The following LILRA1 variants were observed in gnomAD, a reference collection of about 807,000 sequenced individuals.
The protein encoded by LILRA1 is leukocyte immunoglobulin-like receptor subfamily A member 1.
LILRA1 carries 51 observed loss-of-function variants against 51.6 expected under a neutral mutation model. The observed-to-expected ratio is 0.99, with a 90% CI of 0.79 to 1.25. LILRA1 has a LOEUF of 1.25. LILRA1 is among the 50% of genes most tolerant of loss of function. The pLI, the probability that LILRA1 is intolerant of heterozygous loss-of-function variation, is 0.00. For missense variants in LILRA1, 660 were observed against 611.7 expected, an observed-to-expected ratio of 1.08 and a Z score of -0.83; for synonymous variants, 305 against 248.4, an observed-to-expected ratio of 1.23 and a Z score of -2.14.
chr19:54,599,284 C>T lies in LILRA1; in HGVS notation c.1310C>T (p.Ala437Val). ...CCACAAAACAAGTCCGATTCCAAGG[C>T]TGGTGAGTGAGGAGATGCTTGCCGT... Reference protein sequence around the residue: ...SPPQNKSDSKAGAANTLSPSQ... With the variant: ...SPPQNKSDSKVGAANTLSPSQ... Residue 437 changes from alanine to valine, a missense_variant and splice_region_variant, in exon 8 of 10, where the codon GCT becomes GTT. Ala to Val is a moderately conservative substitution (Grantham distance 64, BLOSUM62 0). Coordinates refer to ENST00000251372, the MANE Select transcript of LILRA1 (RefSeq NM_006863.4). 6.4e-7 allele frequency: 1 copy of T among 1,568,464 alleles called. No homozygotes were observed. The highest frequency in any genetic ancestry group is 8.7e-7 in the Non-Finnish European group (1 of 1,151,934).
rs2063061585 is a variant in LILRA1 at position 54,596,485 on chromosome 19, G to T, written c.1255G>T (p.Val419Phe). Residue 419 changes from valine to phenylalanine, a missense_variant, in exon 7 of 10, where the codon GTC becomes TTC. Transcript: ENST00000251372. ...CCCCAGTGACTCCCTGGAGCTCATG[G>T]TCTCAGGTGAGGGCCCTGACCCTGT... is the stretch of plus-strand genomic sequence containing the variant. ...SHPSDSLELM[V>F]SGAAETLSPP... The T allele has an allele frequency of 1.2e-6, 2 of 1,614,010 alleles. No homozygotes were observed. Among genetic ancestry groups the T allele is most frequent in the Non-Finnish European group, 1.7e-6 (2 of 1,180,026 alleles).
intron 3 of LILRA1, 55 bp downstream of exon 3, chr19:54,594,531 C>T: frequency 1.2e-6 from 2 of 1,614,004 alleles, no homozygotes; most frequent in Non-Finnish European, 1.7e-6. Context: ...GACAAGGGGC[C>T]ACCCCCGTGC....
intron 2 of LILRA1, 38 bp from the exon 3 acceptor site, chr19:54,594,403 C>T: frequency 6.2e-7 from 1 of 1,614,226 alleles, no homozygotes; most frequent in East Asian, 2.2e-5. Context: ...CCTGCCCAGG[C>T]TTCAGGGGCA....
rs777662086 is a variant in LILRA1 at position 54,600,761 on chromosome 19, C to G, written c.1414C>G (p.Leu472Val). Residue 472 changes from leucine to valine, a missense_variant, in exon 10 of 10, where the codon CTG becomes GTG. Transcript: ENST00000251372. ...CCGCATGGGCATAGCTGGCTTGGTC[C>G]TGGTGGTCCTCGGGATTCTGCTATT... ...LIRMGIAGLV[L>V]VVLGILLFEA... 12 of 1,613,994 alleles carry G rather than the reference C, an allele frequency of 7.4e-6. No homozygotes were observed. The Admixed American group carries it at 2.0e-4, about 27-fold the overall frequency.
rs1176656501 is a variant in LILRA1, at chr19:54,594,723, T to A, written c.129T>A (p.Ser43Arg). 6.2e-7 allele frequency: 1 copy of A among 1,613,640 alleles called. No individual in the cohort carries two copies. The highest frequency in any genetic ancestry group is 8.5e-7 in the Non-Finnish European group (1 of 1,179,868). ...AEPGSVITQG[S>R]PVTLWCQGIL... is the part of the protein sequence containing the mutation. ...CAGGCTCTGTGATCACCCAGGGGAG[T>A]CCCGTGACCCTCTGGTGTCAGGGGA... is the stretch of plus-strand genomic sequence containing the variant. The change falls in exon 4 of 10, where the codon AGT (serine) becomes AGA (arginine). Residue 43 changes from serine to arginine, a missense_variant. Ser to Arg is a moderately radical substitution (Grantham distance 110). Transcript: ENST00000251372.
Position 54,594,390 on chromosome 19 carries a change from G to A in LILRA1, c.35-51G>A, listed in dbSNP as rs780180580. On this transcript the variant is annotated intron_variant, in intron 2 of 9. Transcript: ENST00000251372. The stretch of plus-strand genomic sequence containing the variant: ...GCTCACAAAGATCCCAGGGAGGGGA[G>A]GACCTGCCCAGGCTTCAGGGGCAAA... 10 of 1,614,222 alleles carry A rather than the reference G, an allele frequency of 6.2e-6. No homozygotes were observed. In the East Asian group the frequency reaches 1.1e-4, roughly 18 times the overall value.
rs758188672 is a variant in LILRA1 at position 54,594,265 on chromosome 19, C to T, written c.21C>T (p.Val7=). The change falls in exon 2 of 10, where the codon GTC becomes GTT. Residue 7 remains valine, a synonymous_variant. Transcript: ENST00000251372. Reference sequence around the variant, plus strand: ...ACGCTATGACCCCCATCGTCACAGTCCTGATCTGTCTCAGTGAGATTTGAA... The same window carrying T: ...ACGCTATGACCCCCATCGTCACAGTTCTGATCTGTCTCAGTGAGATTTGAA... The part of the protein sequence containing the change: MTPIVT[V]LICLRLSLGP... 11 of 1,612,342 alleles carry T rather than the reference C, an allele frequency of 6.8e-6. No homozygotes were observed. Among genetic ancestry groups the T allele is most frequent in the Middle Eastern group, 1.7e-4 (1 of 6,044 alleles).
chr19:54,596,518 G>A (rs368634430), intron 7 of LILRA1, 27 bp downstream of exon 7: 386 of 1,613,598 alleles, frequency 2.4e-4, no homozygotes, highest in Non-Finnish European at 3.1e-4. Flanking sequence ...TGTCCTCTCC[G>A]AGCTCAAAGG....
In LILRA1 at chr19:54,596,283, G is replaced by C. The variant is rs139190966; in HGVS notation, c.1053G>C (p.Pro351=). Reference sequence around the variant, plus strand: ...CCCTGCTGTGTCAGTCATGGGGGCCGTTCCACACTTTCCTTCTGACCAAGG... The same window carrying C: ...CCCTGCTGTGTCAGTCATGGGGGCCCTTCCACACTTTCCTTCTGACCAAGG... The part of the protein sequence containing the change: ...NVTLLCQSWG[P]FHTFLLTKAG... The change falls in exon 7 of 10, where the codon CCG becomes CCC. Residue 351 remains proline, a synonymous_variant. Transcript: ENST00000251372. The C allele has an allele frequency of 1.2e-6, 2 of 1,613,958 alleles. No individual in the cohort carries two copies. The highest frequency in any genetic ancestry group is 4.5e-5 in the East Asian group (2 of 44,884).
intron 8 of LILRA1, chr19:54,599,501 G>A: frequency 8.2e-7 from 1 of 1,214,788 alleles, no homozygotes; most frequent in South Asian, 1.5e-5. Flanking sequence ...ACTGCTTTGA[G>A]TATATTCATT....
intron 7 of LILRA1, among the ~76,000 whole-genome samples, chr19:54,597,485 G>C (rs2063083657): frequency 1.3e-5 from 2 of 152,084 alleles, no homozygotes. Context: ...TCTACTGAAA[G>C]CAACACGTGG....
intron 6 of LILRA1, 95 bp from the exon 7 acceptor site, chr19:54,596,094 C>G (rs1378022531): frequency 3.7e-5 from 56 of 1,528,468 alleles, no homozygotes; most frequent in Non-Finnish European, 4.8e-5. Flanking sequence ...TCAGAGAAAA[C>G]AGAGATAGAG....
At position 54,593,632 on chromosome 19, in the gene LILRA1, G is replaced by C. The variant is rs186664979; in HGVS notation, c.-198G>C. ...TCAACTTTTCTTCCCCTATTTCCCT[G>C]CATTTCTCCTCTGTGCTCACTGCCA... is the stretch of plus-strand genomic sequence containing the variant. On this transcript the variant is annotated 5_prime_UTR_variant, in exon 1 of 10. Coordinates refer to ENST00000251372, the MANE Select transcript of LILRA1 (RefSeq NM_006863.4). 524 of 393,640 alleles carry C rather than the reference G, an allele frequency of 1.3e-3. 7 individuals carry two copies. Among genetic ancestry groups the C allele is most frequent in the African/African-American group, 0.01 (488 of 48,160 alleles). The allele number at this position is 393,640 out of a possible 1,614,324, so 24.4% of individuals were successfully genotyped here.
Position 54,600,840 on chromosome 19 carries a change from C to T in LILRA1, c.*23C>T. The T allele has an allele frequency of 1.9e-6, 3 of 1,612,180 alleles. No homozygotes were observed. Among genetic ancestry groups the T allele is most frequent in the South Asian group, 1.1e-5 (1 of 91,032 alleles). On this transcript the variant is annotated 3_prime_UTR_variant, in exon 10 of 10. Coordinates refer to ENST00000251372, the MANE Select transcript of LILRA1 (RefSeq NM_006863.4). ...TGAGATGCAGCCGGGAGGTGAACAGCAGAGAGAAGAATGTACCCTTCAGAG... is the reference window on the plus strand; with the variant it reads ...TGAGATGCAGCCGGGAGGTGAACAGTAGAGAGAAGAATGTACCCTTCAGAG...
chr19:54,594,145 T>A lies in LILRA1; in HGVS notation c.-48-52T>A, dbSNP rs887578134. On this transcript the variant is annotated intron_variant, in intron 1 of 9. Transcript: ENST00000251372. ...GGACCCAGCCTCCGAGTGTCCACAC[T>A]GGGTGGGAAGGAGGGGAGGCTATTT... The A allele has an allele frequency of 1.2e-5, 13 of 1,083,598 alleles. 1 individual carries two copies. Among genetic ancestry groups the A allele is most frequent in the East Asian group, 6.9e-5 (3 of 43,232 alleles). 67.1% of individuals were successfully genotyped at this position (1,083,598 alleles called of 1,614,324 possible).
In LILRA1 at chr19:54,596,278, G is replaced by C. The variant is rs375355753; in HGVS notation, c.1048G>C (p.Gly350Arg). Residue 350 changes from glycine (G) to arginine (R), a missense_variant, in exon 7 of 10, where the codon GGG becomes CGG. Gly to Arg is a moderately radical substitution (Grantham distance 125). Transcript: ENST00000251372. The part of the protein sequence containing the change: ...ENVTLLCQSW[G>R]PFHTFLLTKA... ...CGTGACCCTGCTGTGTCAGTCATGGGGGCCGTTCCACACTTTCCTTCTGAC... is the reference window on the plus strand; with the variant it reads ...CGTGACCCTGCTGTGTCAGTCATGGCGGCCGTTCCACACTTTCCTTCTGAC... 12 of 1,613,952 alleles carry C rather than the reference G, an allele frequency of 7.4e-6. No homozygotes were observed. Among genetic ancestry groups the C allele is most frequent in the East Asian group, 6.7e-5 (3 of 44,882 alleles).
chr19:54,596,135 G>A (rs1315852887), intron 6 of LILRA1, 54 bp from the exon 7 acceptor site: 1 of 1,578,740 alleles, frequency 6.3e-7, no homozygotes, highest in Non-Finnish European at 8.6e-7. Context: ...GCCTGGGGAG[G>A]CGTCAGCTCA....
Position 54,600,747 on chromosome 19 carries a change from T to A in LILRA1, c.1400T>A (p.Ile467Lys). Reference protein sequence around the residue: ...YTVENLIRMGIAGLVLVVLGI... With the variant: ...YTVENLIRMGKAGLVLVVLGI... ...GTGGAGAATCTCATCCGCATGGGCA[T>A]AGCTGGCTTGGTCCTGGTGGTCCTC... is the stretch of plus-strand genomic sequence containing the variant. The change falls in exon 10 of 10, where the codon ATA becomes AAA. Residue 467 changes from isoleucine (I) to lysine (K), a missense_variant. Physicochemically the swap from Ile to Lys is moderately radical, Grantham distance 102 (BLOSUM62 -3). Coordinates refer to ENST00000251372, the MANE Select transcript of LILRA1 (RefSeq NM_006863.4). The A allele has an allele frequency of 6.2e-7, 1 of 1,614,102 alleles. No individual in the cohort carries two copies. The highest frequency in any genetic ancestry group is 1.1e-5 in the South Asian group (1 of 91,072).
chr19:54,600,931 C>T lies in LILRA1; in HGVS notation c.*114C>T, dbSNP rs45461791. 69,848 of 1,133,770 alleles carry T rather than the reference C, an allele frequency of 0.062. 2,524 individuals carry two copies. The highest frequency in any genetic ancestry group is 0.072 in the Non-Finnish European group (53,900 of 751,056). 70.2% of individuals were successfully genotyped at this position (1,133,770 alleles called of 1,614,324 possible). A position where few individuals can be genotyped will look rare whatever the true frequency, so the allele number is the denominator to read the frequency against. On this transcript the variant is annotated 3_prime_UTR_variant, in exon 10 of 10. Coordinates refer to ENST00000251372, the MANE Select transcript of LILRA1 (RefSeq NM_006863.4). The stretch of plus-strand genomic sequence containing the variant: ...TCCGGGAGACAATTTAGGGCTGATG[C>T]TATCTGGACTGTCTGCCAATCATTT...
Sources: gnomAD v4.1 joint callset for allele counts (sites outside exome capture counted in the v4.1 genomes callset) on GRCh38, gnomAD v4.1.1 for gene constraint, MANE v1.5 for transcripts, NCBI Gene and HGNC (gene_info 2026-07-23, HGNC 2026-07-21) for gene names.